The following PTPRD variants were observed in gnomAD, a reference collection of about 807,000 sequenced individuals.
The protein encoded by PTPRD is protein tyrosine phosphatase receptor type D.
PTPRD carries 34 observed loss-of-function variants against 214.5 expected under a neutral mutation model. That is an observed-to-expected ratio of 0.16 (90% CI 0.12 to 0.21). The LOEUF (loss-of-function observed/expected upper bound fraction) is 0.21, where lower values mean the gene tolerates loss of function less well. Among genes scored for constraint, PTPRD ranks in the 10% least tolerant of loss-of-function variants. The pLI, the probability that PTPRD is intolerant of heterozygous loss-of-function variation, is 1.00. For synonymous variants in PTPRD, 1,128 were observed against 845.7 expected (o/e 1.33, Z -5.79); for missense variants, 2,545 against 2,398.7 (o/e 1.06, Z -1.27).
chr9:9,811,216 TAA>T (rs1354555880), intron 5 of PTPRD, among the ~76,000 whole-genome samples: 1 of 151,968 alleles, frequency 6.6e-6, no homozygotes, highest in African/African-American at 2.4e-5. Context: ...AATAAATCAA[TAA>T]AAGCAGTTAG....
chr9:9,806,839 A>G (rs2099076103), intron 5 of PTPRD, among the ~76,000 whole-genome samples: 1 of 152,082 alleles, frequency 6.6e-6, no homozygotes, highest in Admixed American at 6.6e-5. Context: ...GGAACACTGA[A>G]CAGGTAAGAG....
At chr9:9,911,266 A>G (rs1351965672) in intron 5 of PTPRD, among the ~76,000 whole-genome samples, 1 of 152,110 alleles carries the variant, frequency 6.6e-6, no homozygotes. Context: ...CTCTCGTCCC[A>G]TACTGCATTG....
rs80226115 is a variant in PTPRD at position 9,631,021 on chromosome 9, T to C, written c.-286-56240A>G. Reference sequence around the variant, plus strand: ...CTTTAATGAAAGGGGCAGTCAACTATAAAGAGGTAGGCATGACTCTGTCAT... The same window carrying C: ...CTTTAATGAAAGGGGCAGTCAACTACAAAGAGGTAGGCATGACTCTGTCAT... On this transcript the variant is annotated intron_variant, in intron 7 of 45. Coordinates refer to ENST00000381196, the MANE Select transcript of PTPRD (RefSeq NM_002839.4). Among the ~76,000 whole-genome samples the C allele has an allele frequency of 3.7e-3, 567 of 152,168 alleles. 5 individuals carry two copies. The highest frequency in any genetic ancestry group is 0.013 in the African/African-American group (535 of 41,518).
chr9:10,560,127 T>G (rs1211265413), intron 2 of PTPRD, among the ~76,000 whole-genome samples: 2 of 152,186 alleles, frequency 1.3e-5, no homozygotes, highest in Admixed American at 6.6e-5. Context: ...ATCGCGGCAC[T>G]ATTCACAATA....
chr9:9,275,545 G>C (rs560062065), intron 9 of PTPRD, among the ~76,000 whole-genome samples: 17 of 151,182 alleles, frequency 1.1e-4, no homozygotes, highest in Non-Finnish European at 1.9e-4. Flanking sequence ...CATTAGCCAA[G>C]GTTGGCTGGT....
chr9:9,879,178 C>A (rs1354133766), intron 5 of PTPRD, among the ~76,000 whole-genome samples: 1 of 152,170 alleles, frequency 6.6e-6, no homozygotes, highest in Non-Finnish European at 1.5e-5. Context: ...AAATTGTAAT[C>A]AGTAGTATTT....
At chr9:9,669,493 A>G (rs1382122837) in intron 7 of PTPRD, among the ~76,000 whole-genome samples, 1 of 152,202 alleles carries the variant, frequency 6.6e-6, no homozygotes, top group East Asian at 1.9e-4. Context: ...AATAAAGACC[A>G]TTTTTAAAGT....
intron 9 of PTPRD, among the ~76,000 whole-genome samples, chr9:9,296,000 T>C (rs1282401485): frequency 6.6e-6 from 1 of 151,836 alleles, no homozygotes; most frequent in African/African-American, 2.4e-5. Flanking sequence ...ACATGATACC[T>C]CAGGTTTTTT....
intron 3 of PTPRD, among the ~76,000 whole-genome samples, chr9:10,312,809 T>C (rs1412728881): frequency 6.6e-6 from 1 of 151,952 alleles, no homozygotes; most frequent in East Asian, 1.9e-4. Context: ...AGAAATTTTG[T>C]TGTATTTGTG....
intron 14 of PTPRD, among the ~76,000 whole-genome samples, chr9:8,588,320 T>A (rs1207161574): frequency 6.6e-6 from 1 of 152,328 alleles, no homozygotes; most frequent in East Asian, 1.9e-4. Context: ...GCTGTAGTCT[T>A]TATATTTTGA....
rs189386254 is a variant in PTPRD at position 9,627,255 on chromosome 9, C to T, written c.-286-52474G>A. Among the ~76,000 whole-genome samples the T allele has an allele frequency of 3.7e-3, 563 of 152,256 alleles. 4 individuals carry two copies. The highest frequency in any genetic ancestry group is 0.013 in the African/African-American group (531 of 41,566). On this transcript the variant is annotated intron_variant, in intron 7 of 45. Transcript: ENST00000381196. ...CTGAGAAGCAGAGGTTGCACTGAGC[C>T]GAGATTGGGCCACTTCACTACAACA... is the stretch of plus-strand genomic sequence containing the variant.
At chr9:8,670,968 A>C (rs1160100462) in intron 12 of PTPRD, among the ~76,000 whole-genome samples, 1 of 152,132 alleles carries the variant, frequency 6.6e-6, no homozygotes, top group African/African-American at 2.4e-5. Flanking sequence ...AATTTCTTGA[A>C]AGTGTGAGGA....
chr9:10,279,465 T>C (rs1468015405), intron 3 of PTPRD, among the ~76,000 whole-genome samples: 2 of 152,150 alleles, frequency 1.3e-5, no homozygotes, highest in Non-Finnish European at 2.9e-5. Flanking sequence ...TCTTTCTTCT[T>C]TACCTACTGT....
chr9:10,119,082 G>C (rs1039611853), intron 3 of PTPRD, among the ~76,000 whole-genome samples: 1 of 151,840 alleles, frequency 6.6e-6, no homozygotes, highest in Non-Finnish European at 1.5e-5. Context: ...TTCCACTTAA[G>C]AAACACCTCC....
At chr9:9,674,944 T>C (rs1046510621) in intron 7 of PTPRD, among the ~76,000 whole-genome samples, 1 of 151,722 alleles carries the variant, frequency 6.6e-6, no homozygotes, top group Non-Finnish European at 1.5e-5. Flanking sequence ...GTAGTTTAAG[T>C]ATAGAAGGTT....
chr9:8,872,326 T>C (rs1471204447), intron 11 of PTPRD, among the ~76,000 whole-genome samples: 2 of 152,194 alleles, frequency 1.3e-5, no homozygotes, highest in Non-Finnish European at 2.9e-5. Flanking sequence ...GTGTGTGATA[T>C]GATCTCCCAT....
intron 34 of PTPRD, among the ~76,000 whole-genome samples, chr9:8,443,686 G>A (rs1345848222): frequency 6.6e-6 from 1 of 152,076 alleles, no homozygotes; most frequent in East Asian, 1.9e-4. Flanking sequence ...GGTATTTTTG[G>A]GCCAGGGAGG....
chr9:10,469,926 C>T (rs912085866), intron 2 of PTPRD, among the ~76,000 whole-genome samples: 1 of 150,480 alleles, frequency 6.6e-6, no homozygotes, highest in Non-Finnish European at 1.5e-5. Flanking sequence ...TGCATGTACT[C>T]ACTCATATGT....
intron 4 of PTPRD, among the ~76,000 whole-genome samples, chr9:9,965,768 A>G (rs1322778315): frequency 6.6e-6 from 1 of 152,184 alleles, no homozygotes; most frequent in Non-Finnish European, 1.5e-5. Context: ...GTTAAATGAA[A>G]TAGTAACAGT....
Sources: allele counts gnomAD v4.1 joint callset (sites outside exome capture counted in the v4.1 genomes callset), GRCh38; gene constraint gnomAD v4.1.1; transcripts MANE v1.5; gene names NCBI Gene and HGNC (gene_info 2026-07-23, HGNC 2026-07-21).